Variants in RPP40 observed in about 807,000 individuals in gnomAD.
The protein encoded by RPP40 is ribonuclease P protein subunit p40.
In RPP40, 30 loss-of-function variants were observed where a neutral mutation model predicts 42.5. That is an observed-to-expected ratio of 0.71 (90% CI 0.53 to 0.96). The LOEUF (loss-of-function observed/expected upper bound fraction) is 0.96, where lower values mean the gene tolerates loss of function less well. RPP40 is among the 40% of genes least tolerant of loss of function. The pLI is 0.00. For synonymous variants in RPP40, 173 were observed against 164.0 expected, an observed-to-expected ratio of 1.05 and a Z score of -0.42; for missense variants, 426 against 433.5, an observed-to-expected ratio of 0.98 and a Z score of 0.15.
chr6:5,002,078 C>A, intron 2 of RPP40, 23 bp downstream of exon 2: 1 of 1,605,726 alleles, frequency 6.2e-7, no homozygotes, highest in Non-Finnish European at 8.5e-7. Context: ...GCCTTGTTCA[C>A]AGCCATTTCA....
intron 4 of RPP40, 65 bp downstream of exon 4, chr6:4,999,744 T>C (rs1759494045): frequency 2.1e-6 from 2 of 949,890 alleles, no homozygotes; most frequent in South Asian, 2.9e-5. Flanking sequence ...TAGAGGCAAT[T>C]CAAACATTTA....
intron 4 of RPP40, among the ~76,000 whole-genome samples, chr6:4,999,457 C>A (rs912696544): frequency 1.1e-4 from 17 of 152,112 alleles, no homozygotes; most frequent in African/African-American, 3.9e-4. Flanking sequence ...CGCCACCACG[C>A]CCAGCTAATT....
rs760839000 is a variant in RPP40, at chr6:4,996,383, C to T, written c.597G>A (p.Lys199=). The change falls in exon 6 of 8, where the codon AAG becomes AAA. Residue 199 remains lysine (K), a synonymous_variant. Coordinates refer to ENST00000380051, the MANE Select transcript of RPP40 (RefSeq NM_006638.4). ...EESTMMSYFS[K]YQIQEHQPKV... is the part of the protein sequence containing the mutation. ...TTGGCTGATGCTCCTGAATTTGGTA[C>T]TTGGAAAAATATGACATCATTGTCG... 3.7e-6 allele frequency: 6 copies of T among 1,613,848 alleles called. No individual in the cohort carries two copies. Among genetic ancestry groups the T allele is most frequent in the Non-Finnish European group, 4.2e-6 (5 of 1,180,048 alleles).
At chr6:5,003,149 C>T (rs1759617975) in intron 1 of RPP40, among the ~76,000 whole-genome samples, 1 of 151,838 alleles carries the variant, frequency 6.6e-6, no homozygotes, top group African/African-American at 2.4e-5. Context: ...GAGATCGAGA[C>T]CATCCTGGCT....
In RPP40 at chr6:4,995,001, A is replaced by G; in HGVS notation, c.*77T>C. On this transcript the variant is annotated 3_prime_UTR_variant, in exon 8 of 8. Coordinates refer to ENST00000380051, the MANE Select transcript of RPP40 (RefSeq NM_006638.4). Reference sequence around the variant, plus strand: ...GTCACCATCACACAAGCCTGAGTGGACACACAGACCTTTTACCATTAAGAA... The same window carrying G: ...GTCACCATCACACAAGCCTGAGTGGGCACACAGACCTTTTACCATTAAGAA... 1 of 1,249,096 alleles carries G rather than the reference A, an allele frequency of 8.0e-7. No individual in the cohort carries two copies. The highest frequency in any genetic ancestry group is 1.1e-6 in the Non-Finnish European group (1 of 889,886). The allele number at this position is 1,249,096 out of a possible 1,614,324, so 77.4% of individuals were successfully genotyped here.
At chr6:4,994,528 T>C (rs1759311859), downstream of RPP40, among the ~76,000 whole-genome samples, 1 of 152,240 alleles carries the variant, frequency 6.6e-6, no homozygotes, top group Non-Finnish European at 1.5e-5. Flanking sequence ...TTGATCCCTC[T>C]CTGATCCAGA....
At chr6:4,998,934 G>T in intron 4 of RPP40, 93 bp from the exon 5 acceptor site, 3 of 861,246 alleles carry the variant, frequency 3.5e-6, no homozygotes, top group South Asian at 3.0e-5. Context: ...CTAGAATTTT[G>T]GGAAATTTTA....
intron 5 of RPP40, among the ~76,000 whole-genome samples, chr6:4,996,827 C>T (rs1274401134): frequency 1.3e-5 from 2 of 152,236 alleles, no homozygotes; most frequent in African/African-American, 4.8e-5. Context: ...GATTGAACCT[C>T]ATCCCAGCTT....
chr6:4,996,116 T>G (rs370508866), intron 6 of RPP40, 31 bp from the exon 7 acceptor site: 9 of 1,610,580 alleles, frequency 5.6e-6, no homozygotes, highest in African/African-American at 2.7e-5. Flanking sequence ...GAGAGAGAGA[T>G]AACACATGTA....
downstream of RPP40, among the ~76,000 whole-genome samples, chr6:4,989,944 C>T (rs868435745): frequency 3.3e-5 from 5 of 152,192 alleles, no homozygotes; most frequent in Non-Finnish European, 4.4e-5. Flanking sequence ...TCTGATTGCA[C>T]AGTCTAAAGC....
At chr6:5,000,652 GA>G in intron 2 of RPP40, 21 bp from the exon 3 acceptor site, 1 of 1,483,210 alleles carries the variant, frequency 6.7e-7, no homozygotes, top group Non-Finnish European at 9.3e-7. Context: ...AAGTACAGAG[GA>G]AAAATTTAAA....
Position 4,995,138 on chromosome 6 carries a change from A to C in RPP40, c.1032T>G (p.Phe344Leu). ...TCTGAAGCCAATAGTCCTGATTATT[A>C]AAAATCACAAAGTTATATAAATGTT... ...GGEHLYNFVIFNNQDYWLQMA... is the reference protein window; with the variant it reads ...GGEHLYNFVILNNQDYWLQMA... The change falls in exon 8 of 8, where the codon TTT (phenylalanine) becomes TTG (leucine). Residue 344 changes from phenylalanine (F) to leucine (L), a missense_variant. Coordinates refer to ENST00000380051, the MANE Select transcript of RPP40 (RefSeq NM_006638.4). 6.2e-7 allele frequency: 1 copy of C among 1,614,120 alleles called. No homozygotes were observed. Among genetic ancestry groups the C allele is most frequent in the South Asian group, 1.1e-5 (1 of 91,080 alleles).
At chr6:5,001,747 G>C in intron 2 of RPP40, 1 of 184,922 alleles carries the variant, frequency 5.4e-6, no homozygotes, top group Non-Finnish European at 1.1e-5. Context: ...TGAGACAGCT[G>C]CTGTGGGACT....
At chr6:4,997,343 G>A (rs1051540756) in intron 5 of RPP40, among the ~76,000 whole-genome samples, 18 of 152,308 alleles carry the variant, frequency 1.2e-4, no homozygotes, top group African/African-American at 3.8e-4. Context: ...AGAACAAAAC[G>A]TCAGAGGAAC....
Position 4,995,258 on chromosome 6 carries a change from C to T in RPP40, c.912G>A (p.Pro304=), listed in dbSNP as rs536356148. Residue 304 remains proline (P), a synonymous_variant, in exon 8 of 8, where the codon CCG becomes CCA. Transcript: ENST00000380051. ...LEHLCHYFDE[P]KLAPWVTLSV... ...ACAGTGTAACCCATGGAGCTAACTT[C>T]GGTTCATCAAAGTAGTGACTGAAAA... 2.7e-5 allele frequency: 44 copies of T among 1,612,886 alleles called. No individual in the cohort carries two copies. The highest frequency in any genetic ancestry group is 3.4e-5 in the Non-Finnish European group (40 of 1,179,346).
Position 4,995,240 on chromosome 6 carries a change from A to C in RPP40, c.930T>G (p.Val310=). Residue 310 remains valine (V), a synonymous_variant, in exon 8 of 8, where the codon GTT becomes GTG. Transcript: ENST00000380051. ...CTGCAAAGCCTTGAACGGACAGTGTAACCCATGGAGCTAACTTCGGTTCAT... is the reference window on the plus strand; with the variant it reads ...CTGCAAAGCCTTGAACGGACAGTGTCACCCATGGAGCTAACTTCGGTTCAT... ...YFDEPKLAPW[V]TLSVQGFADS... is the part of the protein sequence containing the mutation. 6.2e-7 allele frequency: 1 copy of C among 1,614,132 alleles called. No individual in the cohort carries two copies. The highest frequency in any genetic ancestry group is 8.5e-7 in the Non-Finnish European group (1 of 1,179,996).
intron 2 of RPP40, chr6:5,001,010 C>T: frequency 4.3e-6 from 2 of 462,034 alleles, no homozygotes; most frequent in South Asian, 3.1e-5. Flanking sequence ...GACCAAGCTC[C>T]AGCTAGTTCA....
intron 7 of RPP40, 125 bp from the exon 8 acceptor site, chr6:4,995,401 T>G (rs1029090222): frequency 1.4e-6 from 1 of 717,422 alleles, no homozygotes. Context: ...TTAGCTTTAA[T>G]TTTTGAAAAT....
Position 4,996,410 on chromosome 6 carries a change from T to A in RPP40, c.570A>T (p.Glu190Asp), listed in dbSNP as rs61739238. The change falls in exon 6 of 8, where the codon GAA (glutamate) becomes GAT (aspartate). Residue 190 changes from glutamate to aspartate, a missense_variant. Transcript: ENST00000380051. ...TGGAAAAATATGACATCATTGTCGA[T>A]TCTTCTGAACCTTAAAAACACACCA... ...LLAWHKTGSE[E>D]STMMSYFSKY... The A allele has an allele frequency of 6.2e-7, 1 of 1,612,934 alleles. No individual in the cohort carries two copies. Among genetic ancestry groups the A allele is most frequent in the Non-Finnish European group, 8.5e-7 (1 of 1,180,052 alleles).
Sources: gnomAD v4.1 joint callset for allele counts (sites outside exome capture counted in the v4.1 genomes callset) on GRCh38, gnomAD v4.1.1 for gene constraint, MANE v1.5 for transcripts, NCBI Gene and HGNC (gene_info 2026-07-23, HGNC 2026-07-21) for gene names.